ALK: variants seen among roughly 807,000 people sequenced by gnomAD.
ALK encodes the protein ALK receptor tyrosine kinase.
In ALK, 74 loss-of-function variants were observed where a neutral mutation model predicts 163.1. The ratio of observed to expected loss-of-function variants is 0.45; its 90% CI spans 0.38 to 0.55. The LOEUF (loss-of-function observed/expected upper bound fraction) is 0.55, where lower values mean the gene tolerates loss of function less well. ALK is among the 20% of genes least tolerant of loss of function. The pLI, the probability that ALK is intolerant of heterozygous loss-of-function variation, is 0.00. For missense variants in ALK, 2,063 were observed against 2,105.3 expected (o/e 0.98, Z 0.39); for synonymous variants, 960 against 843.2 (o/e 1.14, Z -2.40).
chr2:29,902,215 C>A (rs944251401), intron 1 of ALK, among the ~76,000 whole-genome samples: 1 of 152,126 alleles, frequency 6.6e-6, no homozygotes, highest in East Asian at 1.9e-4. Flanking sequence ...GAACTCAACT[C>A]TTCCTCCCCA....
chr2:29,550,660 C>T (rs562968725), intron 3 of ALK, among the ~76,000 whole-genome samples: 1 of 152,284 alleles, frequency 6.6e-6, no homozygotes, highest in Admixed American at 6.5e-5. Flanking sequence ...TGTCAGACTA[C>T]ATCTCAATGA....
intron 3 of ALK, among the ~76,000 whole-genome samples, chr2:29,642,676 T>C (rs886445651): frequency 3.9e-5 from 6 of 152,108 alleles, no homozygotes; most frequent in Non-Finnish European, 5.9e-5. Flanking sequence ...CTCTCCTGTC[T>C]CAGACTCAAC....
chr2:29,738,463 G>A (rs1679956601), intron 1 of ALK, among the ~76,000 whole-genome samples: 2 of 151,930 alleles, frequency 1.3e-5, no homozygotes, highest in African/African-American at 4.8e-5. Flanking sequence ...TAACTTATGT[G>A]GCCATCTACT....
In ALK at chr2:29,235,934, C is replaced by A. The variant is rs180726284; in HGVS notation, c.2356-2238G>T. ...TGTTGCCCAGACTGGTCTCTGACTCCTGGCTTTAAGTAGTTCTCTTGCCTC... is the reference window on the plus strand; with the variant it reads ...TGTTGCCCAGACTGGTCTCTGACTCATGGCTTTAAGTAGTTCTCTTGCCTC... On this transcript the variant is annotated intron_variant, in intron 13 of 28. Coordinates refer to ENST00000389048, the MANE Select transcript of ALK (RefSeq NM_004304.5). 3.0e-5 allele frequency among the ~76,000 whole-genome samples: 4 copies of A among 133,942 alleles called. No individual in the cohort carries two copies. In the East Asian group the frequency reaches 9.0e-4, roughly 30 times the overall value. 87.9% of individuals were successfully genotyped at this position (133,942 alleles called of 152,430 possible).
intron 1 of ALK, among the ~76,000 whole-genome samples, chr2:29,744,665 A>G (rs1450340800): frequency 6.6e-6 from 1 of 152,064 alleles, no homozygotes; most frequent in African/African-American, 2.4e-5. Flanking sequence ...CAGTGTTTCA[A>G]TCACAGCTCA....
At position 29,876,494 on chromosome 2, in the gene ALK, T is replaced by C. The variant is rs535758203; in HGVS notation, c.667+43499A>G. ...ATGATGGTGGTGATGGTGATGGTAG[T>C]GGTAATGGTGGTAATGGTAATGATG... On this transcript the variant is annotated intron_variant, in intron 1 of 28. Coordinates refer to ENST00000389048, the MANE Select transcript of ALK (RefSeq NM_004304.5). Among the ~76,000 whole-genome samples the C allele has an allele frequency of 5.4e-3, 813 of 151,492 alleles. 5 individuals carry two copies. Among genetic ancestry groups the C allele is most frequent in the South Asian group, 0.012 (58 of 4,786 alleles).
intron 1 of ALK, among the ~76,000 whole-genome samples, chr2:29,835,626 C>G (rs1188735782): frequency 1.3e-5 from 2 of 152,176 alleles, no homozygotes; most frequent in Non-Finnish European, 2.9e-5. Flanking sequence ...TGTGTCCCCA[C>G]TCAAATCTCA....
At chr2:29,314,218 G>C (rs930145838) in intron 8 of ALK, among the ~76,000 whole-genome samples, 8 of 152,110 alleles carry the variant, frequency 5.3e-5, no homozygotes, top group Non-Finnish European at 1.0e-4. Flanking sequence ...TTCAGGGATG[G>C]ATGGCCAAGG....
intron 4 of ALK, among the ~76,000 whole-genome samples, chr2:29,455,338 T>C (rs1033780828): frequency 5.9e-5 from 9 of 152,114 alleles, no homozygotes; most frequent in Admixed American, 1.3e-4. Flanking sequence ...ATCTGTCAGA[T>C]GACGAAGACA....
chr2:29,694,872 C>A lies in ALK; in HGVS notation c.930G>T (p.Glu310Asp), dbSNP rs367712624. ...QMDLLDGPGA[E>D]RSKEMPRGSF... ...TACCTCTGGGCATCTCCTTAGAACGCTCTGCCCCAGGCCCATCCAGCAAGT... is the reference window on the plus strand; with the variant it reads ...TACCTCTGGGCATCTCCTTAGAACGATCTGCCCCAGGCCCATCCAGCAAGT... The change falls in exon 3 of 29, where the codon GAG (glutamate) becomes GAT (aspartate). Residue 310 changes from glutamate to aspartate, a missense_variant. By Grantham distance (45) the Glu-to-Asp change is conservative. Transcript: ENST00000389048. The A allele has an allele frequency of 2.5e-5, 41 of 1,613,932 alleles. No individual in the cohort carries two copies. The highest frequency in any genetic ancestry group is 1.5e-4 in the Admixed American group (9 of 60,026).
chr2:29,824,688 T>C (rs573662774), intron 1 of ALK, among the ~76,000 whole-genome samples: 7 of 152,344 alleles, frequency 4.6e-5, no homozygotes, highest in African/African-American at 1.7e-4. Flanking sequence ...ATGGTTGTAT[T>C]TACCCAATGC....
chr2:29,371,765 C>CAAAA (rs1668642847), intron 5 of ALK, among the ~76,000 whole-genome samples: 4 of 152,110 alleles, frequency 2.6e-5, no homozygotes, highest in African/African-American at 4.8e-5. Flanking sequence ...CCCACTGTTG[C>CAAAA]ACCTGCCAAT....
At chr2:29,270,450 C>T (rs907507288) in intron 11 of ALK, among the ~76,000 whole-genome samples, 2 of 152,168 alleles carry the variant, frequency 1.3e-5, no homozygotes, top group African/African-American at 4.8e-5. Flanking sequence ...GATGCAAAGC[C>T]TTTGCTTTGG....
At chr2:29,844,170 T>C (rs1243546581) in intron 1 of ALK, among the ~76,000 whole-genome samples, 2 of 152,124 alleles carry the variant, frequency 1.3e-5, no homozygotes, top group Non-Finnish European at 2.9e-5. Flanking sequence ...AGGAGTTGTC[T>C]GGACAACAAA....
chr2:29,905,628 A>G (rs556011601), intron 1 of ALK, among the ~76,000 whole-genome samples: 45 of 148,448 alleles, frequency 3.0e-4, no homozygotes, highest in African/African-American at 8.4e-4. Context: ...GGAAGGAAGG[A>G]AGGGAGGGAG....
chr2:29,788,949 T>TCCA (rs1664115478), intron 1 of ALK, among the ~76,000 whole-genome samples: 1 of 151,856 alleles, frequency 6.6e-6, no homozygotes, highest in African/African-American at 2.4e-5. Context: ...GTTTCTTCCT[T>TCCA]CCACCACCAA....
chr2:29,247,303 C>A (rs1558636836), intron 12 of ALK, among the ~76,000 whole-genome samples: 2 of 152,362 alleles, frequency 1.3e-5, no homozygotes, highest in East Asian at 1.9e-4. Flanking sequence ...TCTTCATCAC[C>A]TTTGCACACT....
At chr2:29,882,523 G>A (rs959679327) in intron 1 of ALK, among the ~76,000 whole-genome samples, 12 of 152,174 alleles carry the variant, frequency 7.9e-5, no homozygotes, top group Middle Eastern at 3.4e-3. Flanking sequence ...GTGAAACCCC[G>A]TCTCTAATAA....
At chr2:29,478,445 T>C (rs1457523122) in intron 4 of ALK, among the ~76,000 whole-genome samples, 1 of 152,228 alleles carries the variant, frequency 6.6e-6, no homozygotes, top group Non-Finnish European at 1.5e-5. Flanking sequence ...ACTGGGCATA[T>C]ATGGAAACAG....
Sources: allele counts gnomAD v4.1 joint callset (sites outside exome capture counted in the v4.1 genomes callset), GRCh38; gene constraint gnomAD v4.1.1; transcripts MANE v1.5; gene names NCBI Gene and HGNC (gene_info 2026-07-23, HGNC 2026-07-21).